KCNG1: variants seen among roughly 807,000 people sequenced by gnomAD.
KCNG1 encodes the protein voltage-gated potassium channel regulatory subunit KCNG1.
KCNG1 carries 17 observed loss-of-function variants against 32.4 expected under a neutral mutation model. The ratio of observed to expected loss-of-function variants is 0.52; its 90% CI spans 0.36 to 0.79. KCNG1 has a LOEUF of 0.79. KCNG1 is among the 30% of genes least tolerant of loss of function. The pLI is 0.00. For missense variants in KCNG1, 441 were observed against 735.2 expected (o/e 0.60, Z 4.63); for synonymous variants, 358 against 339.9 (o/e 1.05, Z -0.59).
At position 51,004,091 on chromosome 20, in the gene KCNG1, T is replaced by C; in HGVS notation, c.1490A>G (p.Asp497Gly). 1 of 1,614,216 alleles carries C rather than the reference T, an allele frequency of 6.2e-7. No homozygotes were observed. The highest frequency in any genetic ancestry group is 1.1e-5 in the South Asian group (1 of 91,080). Residue 497 changes from aspartate to glycine, a missense_variant, in exon 3 of 3, where the codon GAC (aspartate) becomes GGC (glycine). This residue lies in a region of KCNG1 where 53 missense variants were observed against 79.1 expected (regional missense o/e 0.67). Transcript: ENST00000371571. This position sits in a 1 kb window ranked among gnomAD's most constrained non-coding sequence, Gnocchi z 4.3. ...GGCACTTCCGAACAAGATGTCACTG[T>C]CCTGGGACACGCTCAGCTGCGACTT... is the stretch of plus-strand genomic sequence containing the variant. Reference protein sequence around the residue: ...KTKSQLSVSQDSDILFGSASS... With the variant: ...KTKSQLSVSQGSDILFGSASS...
At chr20:51,009,405 A>T in intron 2 of KCNG1, 160 bp downstream of exon 2, 3 of 887,458 alleles carry the variant, frequency 3.4e-6, no homozygotes, top group Non-Finnish European at 5.0e-6. Flanking sequence ...ACATATTAAC[A>T]GGGAGGCAGA....
intron 2 of KCNG1, 39 bp downstream of exon 2, chr20:51,009,526 T>C: frequency 6.5e-7 from 1 of 1,533,174 alleles, no homozygotes; most frequent in Non-Finnish European, 8.8e-7. Flanking sequence ...GTCCCTTCCC[T>C]CGTGGTGGCG....
chr20:51,012,838 CCA>C, intron 1 of KCNG1, among the ~76,000 whole-genome samples: 1 of 152,322 alleles, frequency 6.6e-6, no homozygotes, highest in Non-Finnish European at 1.5e-5. Flanking sequence ...ACCACAGTCC[CCA>C]CCCCCAACTA....
intron 1 of KCNG1, among the ~76,000 whole-genome samples, chr20:51,020,668 T>G (rs1381227200): frequency 1.3e-5 from 2 of 152,176 alleles, no homozygotes; most frequent in Admixed American, 6.5e-5. Context: ...GGTAGATTCC[T>G]GTACCCCTAG....
At chr20:51,014,802 T>C (rs528066260) in intron 1 of KCNG1, among the ~76,000 whole-genome samples, 1 of 151,992 alleles carries the variant, frequency 6.6e-6, no homozygotes, top group African/African-American at 2.4e-5. Context: ...GGGGCAACAT[T>C]GGCTGGAGGG....
rs1188601716 is a variant in KCNG1, at chr20:51,009,868, C to G, written c.471G>C (p.Ala157=). The G allele has an allele frequency of 6.2e-7, 1 of 1,613,376 alleles. No homozygotes were observed. The highest frequency in any genetic ancestry group is 2.2e-5 in the East Asian group (1 of 44,884). ...TGCAGCAGCCGTCCAGGTGGTCCTC[C>G]GCGATGCCCCAGTACAGCAGCTCCT... ...FQEELLYWGI[A]EDHLDGCCKR... Residue 157 remains alanine, a synonymous_variant, in exon 2 of 3, where the codon GCG becomes GCC. Transcript: ENST00000371571.
At chr20:51,009,420 G>T in intron 2 of KCNG1, 145 bp downstream of exon 2, 1 of 990,608 alleles carries the variant, frequency 1.0e-6, no homozygotes, top group Non-Finnish European at 1.5e-6. Flanking sequence ...GGCAGACCAT[G>T]CACACAAACA....
At chr20:51,014,772 G>T (rs1988217399) in intron 1 of KCNG1, among the ~76,000 whole-genome samples, 1 of 152,170 alleles carries the variant, frequency 6.6e-6, no homozygotes. Flanking sequence ...GAGAGATGGA[G>T]AATGACTATT....
At chr20:51,022,565 T>C (rs1398800560) in intron 1 of KCNG1, 2 of 152,198 alleles carry the variant, frequency 1.3e-5, no homozygotes, top group Non-Finnish European at 1.5e-5. Context: ...ACAGCCGGGA[T>C]GCGCCCCCGC....
chr20:51,011,698 G>A (rs965881526), intron 1 of KCNG1, among the ~76,000 whole-genome samples: 1 of 152,218 alleles, frequency 6.6e-6, no homozygotes, highest in South Asian at 2.1e-4. Context: ...GTACAGCCAC[G>A]TGATTTGATA....
At chr20:51,016,428 C>A (rs1988282051) in intron 1 of KCNG1, among the ~76,000 whole-genome samples, 1 of 151,638 alleles carries the variant, frequency 6.6e-6, no homozygotes, top group African/African-American at 2.4e-5. Context: ...CAGAGTGAGA[C>A]TCTGTCTTGA....
In KCNG1 at chr20:51,004,374, C is replaced by T. The variant is rs1193295918; in HGVS notation, c.1207G>A (p.Ala403Thr). 2 of 1,613,770 alleles carry T rather than the reference C, an allele frequency of 1.2e-6. No homozygotes were observed. Among genetic ancestry groups the T allele is most frequent in the East Asian group, 2.2e-5 (1 of 44,846 alleles). ...ATGCTGGTGAACTCGGGGCTGTCGG[C>T]CATCTCGTTCTCGATGACGTAGAGC... is the stretch of plus-strand genomic sequence containing the variant. ...PLLYVIENEMADSPEFTSIPA... is the reference protein window; with the variant it reads ...PLLYVIENEMTDSPEFTSIPA... Residue 403 changes from alanine (A) to threonine (T), a missense_variant, in exon 3 of 3, where the codon GCC becomes ACC. Physicochemically the swap from Ala to Thr is moderately conservative, Grantham distance 58. Transcript: ENST00000371571. The surrounding 1 kb of genome is among the most constrained non-coding windows in gnomAD (Gnocchi z 4.3).
chr20:51,008,605 T>C (rs1276617876), intron 2 of KCNG1, among the ~76,000 whole-genome samples: 2 of 151,732 alleles, frequency 1.3e-5, no homozygotes, highest in Non-Finnish European at 2.9e-5. Flanking sequence ...AGTGTTGGAA[T>C]TATAGGTGTG....
In KCNG1 at chr20:51,003,777, C is replaced by T. The variant is rs1293236325; in HGVS notation, c.*262G>A. ...AGGCATCTCCTTATTGAGGGAAACA[C>T]ACATAGGGGCTGGGGTGGGCGGGGC... On this transcript the variant is annotated 3_prime_UTR_variant, in exon 3 of 3. Coordinates refer to ENST00000371571, the MANE Select transcript of KCNG1 (RefSeq NM_002237.4). The T allele has an allele frequency of 9.4e-6, 4 of 426,566 alleles. No homozygotes were observed. The highest frequency in any genetic ancestry group is 7.6e-5 in the South Asian group (2 of 26,408). The allele number at this position is 426,566 out of a possible 1,614,324, so 26.4% of individuals were successfully genotyped here.
intron 2 of KCNG1, chr20:51,007,086 A>G (rs1254490878): frequency 6.6e-6 from 1 of 152,278 alleles, no homozygotes; most frequent in African/African-American, 2.4e-5. Context: ...GTGATGGCAT[A>G]TGCCTTTAGT....
In KCNG1 at chr20:51,010,165, G is replaced by C. The variant is rs1431855834; in HGVS notation, c.174C>G (p.Pro58=). 2.5e-6 allele frequency: 4 copies of C among 1,608,588 alleles called. No individual in the cohort carries two copies. Among genetic ancestry groups the C allele is most frequent in the Admixed American group, 1.7e-5 (1 of 59,924 alleles). ...PQDEPRQGCQ[P]EDRRRRIIIN... is the part of the protein sequence containing the mutation. ...TGATGATCCGACGGCGGCGGTCCTC[G>C]GGCTGACAGCCCTGGCGGGGCTCAT... The change falls in exon 2 of 3, where the codon CCC becomes CCG. Residue 58 remains proline (P), a synonymous_variant. Coordinates refer to ENST00000371571, the MANE Select transcript of KCNG1 (RefSeq NM_002237.4).
intron 1 of KCNG1, among the ~76,000 whole-genome samples, chr20:51,022,503 C>T (rs974060184): frequency 1.1e-4 from 16 of 152,208 alleles, no homozygotes; most frequent in Non-Finnish European, 1.0e-4. Context: ...CACTCCCCCA[C>T]CCCAATCCCT....
At position 51,009,619 on chromosome 20, in the gene KCNG1, G is replaced by A. The variant is rs146844265; in HGVS notation, c.720C>T (p.Thr240=). 4.3e-5 allele frequency: 69 copies of A among 1,610,302 alleles called. No individual in the cohort carries two copies. Among genetic ancestry groups the A allele is most frequent in the Non-Finnish European group, 5.5e-5 (65 of 1,179,456 alleles). ...ACLSVLFVTV[T]AVNLSVSTLP... ...AGGTGCTGACGGAGAGGTTGACGGC[G>A]GTGACGGTCACGAAGAGCACCGACA... Residue 240 remains threonine, a synonymous_variant, in exon 2 of 3, where the codon ACC becomes ACT. Transcript: ENST00000371571.
chr20:51,007,458 T>A (rs1179250156), intron 2 of KCNG1, among the ~76,000 whole-genome samples: 1 of 152,146 alleles, frequency 6.6e-6, no homozygotes, highest in Non-Finnish European at 1.5e-5. Flanking sequence ...AGTGCTGGGA[T>A]TACAGGCGTG....
Sources: gnomAD v4.1 joint callset for allele counts (sites outside exome capture counted in the v4.1 genomes callset) on GRCh38, gnomAD v4.1.1 for gene constraint, gnomAD v4.1.1 regional missense constraint, Gnocchi (gnomAD v3.1) non-coding constraint, MANE v1.5 for transcripts, NCBI Gene and HGNC (gene_info 2026-07-23, HGNC 2026-07-21) for gene names.